ANKRD11: variants seen among roughly 807,000 people sequenced by gnomAD.
ANKRD11 encodes ankyrin repeat domain 11.
Under a neutral mutation model 195.7 loss-of-function variants are expected in ANKRD11, and 17 were observed. The ratio of observed to expected loss-of-function variants is 0.09; its 90% CI spans 0.06 to 0.13. ANKRD11 has a LOEUF of 0.13. Among genes scored for constraint, ANKRD11 ranks in the 10% least tolerant of loss-of-function variants. ANKRD11 has a pLI of 1.00. For synonymous variants in ANKRD11, 1,953 were observed against 1,528.1 expected (o/e 1.28, Z -6.49); for missense variants, 3,735 against 3,566.1 (o/e 1.05, Z -1.21).
chr16:89,355,221 TCAC>T (rs960212079), intron 2 of ANKRD11, among the ~76,000 whole-genome samples: 2 of 151,784 alleles, frequency 1.3e-5, no homozygotes, highest in African/African-American at 4.8e-5. Flanking sequence ...GGCAGAGGGC[TCAC>T]GGAGGGAGGG....
intron 12 of ANKRD11, among the ~76,000 whole-genome samples, chr16:89,268,984 G>T (rs746391051): frequency 6.6e-6 from 1 of 152,242 alleles, no homozygotes; most frequent in African/African-American, 2.4e-5. Flanking sequence ...TATTAGAATC[G>T]AACAGCTTTG....
At chr16:89,358,035 C>G (rs949898770) in intron 2 of ANKRD11, among the ~76,000 whole-genome samples, 3 of 152,194 alleles carry the variant, frequency 2.0e-5, no homozygotes, top group Non-Finnish European at 2.9e-5. Flanking sequence ...AAGACTGAAC[C>G]CTCTTACTGC....
At chr16:89,323,701 C>T (rs1254893973) in intron 2 of ANKRD11, 2 of 304,452 alleles carry the variant, frequency 6.6e-6, no homozygotes, top group Non-Finnish European at 1.3e-5. Flanking sequence ...GTCCAGCCTC[C>T]ACACACCCCT....
At chr16:89,466,915 C>T (rs1316008720) in intron 1 of ANKRD11, among the ~76,000 whole-genome samples, 1 of 152,206 alleles carries the variant, frequency 6.6e-6, no homozygotes, top group Non-Finnish European at 1.5e-5. Flanking sequence ...GATGAAAGCC[C>T]TAGCCCTCTA....
At chr16:89,288,116 G>A in intron 7 of ANKRD11, 1 of 596,614 alleles carries the variant, frequency 1.7e-6, no homozygotes. Flanking sequence ...CTATGGTTCT[G>A]TGCACTGGCC....
intron 1 of ANKRD11, among the ~76,000 whole-genome samples, chr16:89,478,826 C>G (rs2152366563): frequency 6.6e-6 from 1 of 152,340 alleles, no homozygotes; most frequent in East Asian, 1.9e-4. Context: ...CAAAGACTGA[C>G]ACTGGGATTA....
At chr16:89,351,386 T>C (rs1289421776) in intron 2 of ANKRD11, among the ~76,000 whole-genome samples, 1 of 152,190 alleles carries the variant, frequency 6.6e-6, no homozygotes, top group Non-Finnish European at 1.5e-5. Flanking sequence ...CTGTCCTTGA[T>C]ACTGAGCAGG....
At chr16:89,311,082 A>G (rs1221985737) in intron 3 of ANKRD11, among the ~76,000 whole-genome samples, 1 of 152,226 alleles carries the variant, frequency 6.6e-6, no homozygotes, top group Non-Finnish European at 1.5e-5. Context: ...CCTAGTTTGC[A>G]GAATTTTTTT....
At chr16:89,367,251 G>C (rs1459935011) in intron 2 of ANKRD11, among the ~76,000 whole-genome samples, 1 of 152,228 alleles carries the variant, frequency 6.6e-6, no homozygotes, top group Non-Finnish European at 1.5e-5. Flanking sequence ...CGTTCTCTCA[G>C]GGGTGGGTAG....
rs545937559 is a variant in ANKRD11 at position 89,431,636 on chromosome 16, C to T, written c.-144-13268G>A. 4.6e-5 allele frequency among the ~76,000 whole-genome samples: 7 copies of T among 152,284 alleles called. No individual in the cohort carries two copies. In the South Asian group the frequency reaches 1.2e-3, roughly 27 times the overall value. On this transcript the variant is annotated intron_variant, in intron 1 of 12. Coordinates refer to ENST00000301030, the MANE Select transcript of ANKRD11 (RefSeq NM_013275.6). ...CCATTTTGTTTCACTTGCTACATCT[C>T]CTTCCTCCACCTCCTCCCTCAATGT... is the stretch of plus-strand genomic sequence containing the variant.
intron 2 of ANKRD11, chr16:89,403,775 A>T (rs1468679067): frequency 6.6e-6 from 1 of 152,150 alleles, no homozygotes; most frequent in Non-Finnish European, 1.5e-5. Context: ...AAAAGTAAAA[A>T]TAAAAAAATT....
chr16:89,383,962 T>TA (rs2040779106), intron 2 of ANKRD11, among the ~76,000 whole-genome samples: 1 of 152,222 alleles, frequency 6.6e-6, no homozygotes, highest in Admixed American at 6.5e-5. Flanking sequence ...TCTAGCAAGA[T>TA]AAAGAATCTG....
At chr16:89,327,081 T>TGGGAATGCAGAGGTG (rs2037774089) in intron 2 of ANKRD11, among the ~76,000 whole-genome samples, 1 of 142,192 alleles carries the variant, frequency 7.0e-6, no homozygotes, top group African/African-American at 2.7e-5. Context: ...ATGCAGAGGT[T>TGGGAATGCAGAGGTG]GGAAATGCAG....
chr16:89,461,993 C>G (rs1268029911), intron 1 of ANKRD11, among the ~76,000 whole-genome samples: 2 of 152,100 alleles, frequency 1.3e-5, no homozygotes, highest in East Asian at 1.9e-4. Context: ...CCGTCTGTCA[C>G]GAGCTTCATT....
intron 1 of ANKRD11, among the ~76,000 whole-genome samples, chr16:89,441,584 G>A (rs547456792): frequency 4.2e-4 from 64 of 151,812 alleles, no homozygotes; most frequent in East Asian, 1.9e-3. Context: ...TGGCTAACAT[G>A]GTAAAACCCC....
chr16:89,290,868 G>A (rs760489279), intron 5 of ANKRD11, 40 bp from the exon 6 acceptor site: 3 of 1,611,490 alleles, frequency 1.9e-6, no homozygotes, highest in South Asian at 2.2e-5. Flanking sequence ...TTACTGTGGG[G>A]TGGTCCTGCT....
chr16:89,358,692 C>A (rs115865756), intron 2 of ANKRD11, among the ~76,000 whole-genome samples: 3,121 of 152,354 alleles, frequency 0.02, 117 homozygotes, highest in African/African-American at 0.072. Flanking sequence ...TGACAACCCA[C>A]AAGCTGCCCT....
rs1273767788 is a variant in ANKRD11 at position 89,291,686 on chromosome 16, T to C, written c.227-503A>G. ...CCAACTGGTCAGTACTGTACCTTTC[T>C]TCTTGCTTCTAGGAACCTCCATCTC... On this transcript the variant is annotated intron_variant, in intron 4 of 12. Transcript: ENST00000301030. The surrounding 1 kb of genome is among the most constrained non-coding windows in gnomAD (Gnocchi z 5.3). The C allele has an allele frequency of 1.6e-6, 2 of 1,290,110 alleles. No individual in the cohort carries two copies. The highest frequency in any genetic ancestry group is 2.1e-4 in the Middle Eastern group (1 of 4,700). The allele number at this position is 1,290,110 out of a possible 1,614,324, so 79.9% of individuals were successfully genotyped here.
At chr16:89,407,734 C>T (rs2041964291) in intron 2 of ANKRD11, among the ~76,000 whole-genome samples, 3 of 151,748 alleles carry the variant, frequency 2.0e-5, no homozygotes, top group Admixed American at 6.6e-5. Flanking sequence ...CCTGCAGTCC[C>T]AGCTACTTGA....
Sources: allele counts gnomAD v4.1 joint callset (sites outside exome capture counted in the v4.1 genomes callset), GRCh38; gene constraint gnomAD v4.1.1; non-coding constraint Gnocchi (gnomAD v3.1); transcripts MANE v1.5; gene names NCBI Gene and HGNC (gene_info 2026-07-23, HGNC 2026-07-21).